Variants in ABLIM3 observed in about 807,000 individuals in gnomAD.
ABLIM3 encodes actin binding LIM protein family member 3, also known as actin-binding LIM protein 3.
ABLIM3 carries 61 observed loss-of-function variants against 109.5 expected under a neutral mutation model. The observed-to-expected ratio is 0.56, with a 90% CI of 0.45 to 0.69. The LOEUF (loss-of-function observed/expected upper bound fraction) is 0.69, where lower values mean the gene tolerates loss of function less well. Ranked by LOEUF, ABLIM3 falls within the 30% of genes least tolerant of loss-of-function variation. The probability of loss-of-function intolerance (pLI) is 0.00; values close to 1 mark genes in which losing one functional copy is unlikely to be tolerated. For missense variants in ABLIM3, 796 were observed against 889.5 expected (o/e 0.89, Z 1.34); for synonymous variants, 300 against 324.8 (o/e 0.92, Z 0.82).
chr5:149,202,219 T>A (rs1293331672), intron 5 of ABLIM3, among the ~76,000 whole-genome samples: 1 of 152,190 alleles, frequency 6.6e-6, no homozygotes, highest in African/African-American at 2.4e-5. Context: ...TGTGGGAGTC[T>A]CACATGTGAG....
In ABLIM3 at chr5:149,198,847, C is replaced by T. The variant is rs1038387158; in HGVS notation, c.335+445C>T. Among the ~76,000 whole-genome samples the T allele has an allele frequency of 1.3e-5, 2 of 152,152 alleles. No individual in the cohort carries two copies. Among genetic ancestry groups the T allele is most frequent in the East Asian group, 3.9e-4 (2 of 5,192 alleles). On this transcript the variant is annotated intron_variant, in intron 4 of 23. Coordinates refer to ENST00000309868, the MANE Select transcript of ABLIM3 (RefSeq NM_014945.5). The surrounding 1 kb of genome is among the most constrained non-coding windows in gnomAD (Gnocchi z 4.2). ...CCTCATGCTGTTGGAGTGACCCTGG[C>T]AAGTGACCCCCACCTCTGTAAGCCT...
In ABLIM3 at chr5:149,178,061, G is replaced by A. The variant is rs578058638; in HGVS notation, c.14-5391G>A. Among the ~76,000 whole-genome samples, 4 of 152,078 alleles carry A rather than the reference G, an allele frequency of 2.6e-5. No homozygotes were observed. In the East Asian group the frequency reaches 5.8e-4, roughly 22 times the overall value. ...TGTCGTGTGCTTCCCACCCCTTTCA[G>A]TGCAACGATCCCATGACTCTGTGGC... On this transcript the variant is annotated intron_variant, in intron 2 of 23. Transcript: ENST00000309868.
In ABLIM3 at chr5:149,258,430, A is replaced by G. The variant is rs1317992530; in HGVS notation, c.*26A>G. 1.3e-6 allele frequency: 2 copies of G among 1,598,568 alleles called. No homozygotes were observed. The highest frequency in any genetic ancestry group is 1.7e-6 in the Non-Finnish European group (2 of 1,174,380). ...GCAGAGGCTCTATAAATATATATGCATTTATATAAAGATATATGTAAAATC... is the reference window on the plus strand; with the variant it reads ...GCAGAGGCTCTATAAATATATATGCGTTTATATAAAGATATATGTAAAATC... On this transcript the variant is annotated 3_prime_UTR_variant, in exon 24 of 24. Coordinates refer to ENST00000309868, the MANE Select transcript of ABLIM3 (RefSeq NM_014945.5).
At chr5:149,183,703 A>T in intron 3 of ABLIM3, 114 bp downstream of exon 3, 1 of 1,209,038 alleles carries the variant, frequency 8.3e-7, no homozygotes, top group African/African-American at 1.6e-5. Context: ...ATCTATAAAG[A>T]CCTAAAGAGA....
intron 5 of ABLIM3, among the ~76,000 whole-genome samples, chr5:149,205,335 G>A (rs1335347923): frequency 1.3e-5 from 2 of 152,124 alleles, no homozygotes; most frequent in Non-Finnish European, 2.9e-5. Context: ...AGCAGAGGAG[G>A]GTGCCCACTT....
chr5:149,201,571 T>C (rs1212298713), intron 5 of ABLIM3, among the ~76,000 whole-genome samples: 1 of 152,188 alleles, frequency 6.6e-6, no homozygotes, highest in Non-Finnish European at 1.5e-5. Context: ...CTGCTCTTCC[T>C]TTCAGCCAAA....
intron 17 of ABLIM3, among the ~76,000 whole-genome samples, chr5:149,247,286 G>A (rs1244918566): frequency 6.6e-6 from 1 of 152,210 alleles, no homozygotes; most frequent in African/African-American, 2.4e-5. Context: ...GGTTCCCAGG[G>A]GCACGGGGAG....
chr5:149,232,868 G>T (rs1161804712), intron 9 of ABLIM3, among the ~76,000 whole-genome samples: 1 of 151,998 alleles, frequency 6.6e-6, no homozygotes. Context: ...TTTACATTTT[G>T]AATAAACAAA....
At chr5:149,193,394 AT>A (rs1757677698) in intron 3 of ABLIM3, among the ~76,000 whole-genome samples, 1 of 152,064 alleles carries the variant, frequency 6.6e-6, no homozygotes, top group Non-Finnish European at 1.5e-5. Context: ...TTAGAAATAA[AT>A]TTTATAAAGT....
At position 149,183,466 on chromosome 5, in the gene ABLIM3, A is replaced by G; in HGVS notation, c.28A>G (p.Asn10Asp). Residue 10 changes from asparagine (N) to aspartate (D), a missense_variant, in exon 3 of 24, where the codon AAT (asparagine) becomes GAT (aspartate). Asn to Asp is a conservative substitution (Grantham distance 23). Transcript: ENST00000309868. ...TTCTTTTACAGTTCCTTATCAGCAG[A>G]ATCCTTACAATCCACGGGGCAGCTC... Reference protein sequence around the residue: MNTSIPYQQNPYNPRGSSNV... With the variant: MNTSIPYQQDPYNPRGSSNV... 6.4e-7 allele frequency: 1 copy of G among 1,567,090 alleles called. No homozygotes were observed. Among genetic ancestry groups the G allele is most frequent in the South Asian group, 1.2e-5 (1 of 84,434 alleles).
At chr5:149,189,382 G>A (rs966113344) in intron 3 of ABLIM3, among the ~76,000 whole-genome samples, 2 of 152,118 alleles carry the variant, frequency 1.3e-5, no homozygotes, top group Admixed American at 6.5e-5. Context: ...TAAAACTTTT[G>A]TGCTTCAAAA....
At position 149,180,984 on chromosome 5, in the gene ABLIM3, C is replaced by T. The variant is rs146261098; in HGVS notation, c.14-2468C>T. On this transcript the variant is annotated intron_variant, in intron 2 of 23. Coordinates refer to ENST00000309868, the MANE Select transcript of ABLIM3 (RefSeq NM_014945.5). The stretch of plus-strand genomic sequence containing the variant: ...TTGATCTTAGAAGTTGGCTCTTGAA[C>T]AATAAGACAGGTTGAATTAGAGGAG... Among the ~76,000 whole-genome samples, 615 of 152,252 alleles carry T rather than the reference C, an allele frequency of 4.0e-3. 5 individuals are homozygous for T. Among genetic ancestry groups the T allele is most frequent in the African/African-American group, 0.014 (574 of 41,548 alleles).
intron 4 of ABLIM3, chr5:149,199,197 A>T: frequency 2.2e-6 from 1 of 450,338 alleles, no homozygotes; most frequent in Admixed American, 2.4e-5. Context: ...AGCCCTACCC[A>T]CAAATACATT....
intron 10 of ABLIM3, among the ~76,000 whole-genome samples, chr5:149,233,904 T>C (rs1220225140): frequency 6.6e-6 from 1 of 152,182 alleles, no homozygotes; most frequent in Non-Finnish European, 1.5e-5. Flanking sequence ...TTGCCAGGGA[T>C]GTAGAAGAAG....
chr5:149,257,188 C>T (rs1322831927), intron 23 of ABLIM3, among the ~76,000 whole-genome samples: 2 of 152,120 alleles, frequency 1.3e-5, no homozygotes, highest in Non-Finnish European at 2.9e-5. Context: ...CACCTGTAGT[C>T]CCAGCTACTT....
rs1425518522 is a variant in ABLIM3 at position 149,242,523 on chromosome 5, A to G, written c.1336A>G (p.Ile446Val). ...GDSNIYRKPP[I>V]YKRHGDLSTA... The stretch of plus-strand genomic sequence containing the variant: ...CAGTAACATCTACCGGAAACCCCCG[A>G]TCTACAAACGGCATGGTATGGTCAG... Residue 446 changes from isoleucine (I) to valine (V), a missense_variant, in exon 15 of 24, where the codon ATC becomes GTC. Ile to Val is a conservative substitution (Grantham distance 29, BLOSUM62 3). Transcript: ENST00000309868. 3 of 1,613,888 alleles carry G rather than the reference A, an allele frequency of 1.9e-6. No individual in the cohort carries two copies. Among genetic ancestry groups the G allele is most frequent in the Non-Finnish European group, 2.5e-6 (3 of 1,179,994 alleles).
intron 21 of ABLIM3, 56 bp from the exon 22 acceptor site, chr5:149,252,145 C>G: frequency 6.2e-7 from 1 of 1,608,300 alleles, no homozygotes; most frequent in Non-Finnish European, 8.5e-7. Flanking sequence ...TGTAGTGATG[C>G]AAAGCAAAGA....
chr5:149,251,463 G>C, intron 21 of ABLIM3, 44 bp downstream of exon 21: 1 of 1,603,254 alleles, frequency 6.2e-7, no homozygotes, highest in South Asian at 1.1e-5. Context: ...AGTGCCTCCA[G>C]ATGTACCACT....
chr5:149,214,660 C>T (rs1355603586), intron 7 of ABLIM3, among the ~76,000 whole-genome samples: 1 of 152,210 alleles, frequency 6.6e-6, no homozygotes, highest in Non-Finnish European at 1.5e-5. Context: ...CCAAGCACAT[C>T]GTCTGGCACA....
Sources: gnomAD v4.1 joint callset for allele counts (sites outside exome capture counted in the v4.1 genomes callset) on GRCh38, gnomAD v4.1.1 for gene constraint, Gnocchi (gnomAD v3.1) non-coding constraint, MANE v1.5 for transcripts, NCBI Gene and HGNC (gene_info 2026-07-23, HGNC 2026-07-21) for gene names.